PPM1H: variants seen among roughly 807,000 people sequenced by gnomAD.
The protein encoded by PPM1H is protein phosphatase 1H.
In PPM1H, 27 loss-of-function variants were observed where a neutral mutation model predicts 54.9. That is an observed-to-expected ratio of 0.49 (90% CI 0.36 to 0.68). The LOEUF is 0.68. Ranked by LOEUF, PPM1H falls within the 30% of genes least tolerant of loss-of-function variation. PPM1H has a pLI of 0.00. For missense variants in PPM1H, 596 were observed against 667.8 expected (o/e 0.89, Z 1.19); for synonymous variants, 305 against 270.8 (o/e 1.13, Z -1.24).
rs145422667 is a variant in PPM1H, at chr12:62,781,009, G to A, written c.869+7217C>T. ...TTTCAGTGTGTAAGAGACACGGGAC[G>A]TGTTTCAAGGCACAGCTTGGTTGGA... On this transcript the variant is annotated intron_variant, in intron 4 of 9. Coordinates refer to ENST00000228705, the MANE Select transcript of PPM1H (RefSeq NM_020700.2). 4.1e-3 allele frequency among the ~76,000 whole-genome samples: 622 copies of A among 152,312 alleles called. 2 individuals carry two copies. The highest frequency in any genetic ancestry group is 0.012 in the African/African-American group (517 of 41,564).
At chr12:62,681,945 T>C (rs2076021090) in intron 8 of PPM1H, among the ~76,000 whole-genome samples, 1 of 152,226 alleles carries the variant, frequency 6.6e-6, no homozygotes, top group South Asian at 2.1e-4. Context: ...GTTTTTTCCT[T>C]GGTTTCCTTA....
chr12:62,711,763 G>A (rs761604481), intron 6 of PPM1H, among the ~76,000 whole-genome samples: 13 of 152,206 alleles, frequency 8.5e-5, no homozygotes, highest in Admixed American at 3.9e-4. Context: ...GCAGAGAGAC[G>A]TGTGTGAGTG....
chr12:62,733,752 A>G (rs2076336145), intron 5 of PPM1H, among the ~76,000 whole-genome samples: 1 of 152,194 alleles, frequency 6.6e-6, no homozygotes, highest in African/African-American at 2.4e-5. Flanking sequence ...ATTTAGGAGT[A>G]AGGATTAAAA....
chr12:62,756,157 TTTCC>T (rs2076473101), intron 4 of PPM1H: 2 of 844,464 alleles, frequency 2.4e-6, no homozygotes, highest in African/African-American at 3.3e-5. Context: ...GTCAAGCTCA[TTTCC>T]TGGTATGACA....
At chr12:62,676,632 C>G (rs1017315991) in intron 8 of PPM1H, among the ~76,000 whole-genome samples, 8 of 152,150 alleles carry the variant, frequency 5.3e-5, no homozygotes, top group Non-Finnish European at 8.8e-5. Flanking sequence ...ACTGTCGTGA[C>G]CCGGCTGGGT....
At chr12:62,854,072 T>C (rs1354757002) in intron 1 of PPM1H, among the ~76,000 whole-genome samples, 2 of 151,882 alleles carry the variant, frequency 1.3e-5, no homozygotes, top group African/African-American at 2.4e-5. Context: ...AAACAAAACA[T>C]GAAAAAAACA....
intron 4 of PPM1H, among the ~76,000 whole-genome samples, chr12:62,774,283 A>G (rs886764351): frequency 6.6e-6 from 1 of 152,208 alleles, no homozygotes; most frequent in Non-Finnish European, 1.5e-5. Flanking sequence ...CTCCCAGCCC[A>G]GTGTTTTTTC....
At chr12:62,697,637 G>A (rs1403401168) in intron 6 of PPM1H, among the ~76,000 whole-genome samples, 1 of 152,098 alleles carries the variant, frequency 6.6e-6, no homozygotes, top group African/African-American at 2.4e-5. Context: ...CTCATTTGGG[G>A]GAAGATAGGA....
intron 8 of PPM1H, among the ~76,000 whole-genome samples, chr12:62,669,226 C>T (rs2075939674): frequency 6.6e-6 from 1 of 152,236 alleles, no homozygotes; most frequent in African/African-American, 2.4e-5. Flanking sequence ...TCCCAAATGT[C>T]AGAATTCTGT....
rs186887668 is a variant in PPM1H at position 62,806,080 on chromosome 12, A to G, written c.412-3920T>C. ...AGAAAAATAAATATTTGGGATCTCT[A>G]TTTTCAGAAAATTGGTGGACAAAGA... is the stretch of plus-strand genomic sequence containing the variant. On this transcript the variant is annotated intron_variant, in intron 2 of 9. Transcript: ENST00000228705. Among the ~76,000 whole-genome samples the G allele has an allele frequency of 8.3e-4, 126 of 152,260 alleles. 1 individual carries two copies. The highest frequency in any genetic ancestry group is 2.8e-3 in the African/African-American group (117 of 41,552).
At chr12:62,849,300 C>T (rs1055627597) in intron 1 of PPM1H, among the ~76,000 whole-genome samples, 3 of 152,178 alleles carry the variant, frequency 2.0e-5, no homozygotes, top group Admixed American at 2.0e-4. Context: ...ACTGAAATAA[C>T]ACTTGTAAAT....
At chr12:62,902,410 A>T (rs1001960302) in intron 1 of PPM1H, among the ~76,000 whole-genome samples, 10 of 151,968 alleles carry the variant, frequency 6.6e-5, no homozygotes, top group Admixed American at 2.6e-4. Context: ...AAAGCTTTTT[A>T]AAAAAATTTA....
At chr12:62,802,353 G>T (rs73130066) in intron 2 of PPM1H, among the ~76,000 whole-genome samples, 193 bp from the exon 3 acceptor site, 1 of 152,040 alleles carries the variant, frequency 6.6e-6, no homozygotes, top group Non-Finnish European at 1.5e-5. Context: ...CTCAGGGAAG[G>T]GTCCCCAAAT....
At chr12:62,848,855 T>C (rs1188566489) in intron 1 of PPM1H, among the ~76,000 whole-genome samples, 1 of 151,902 alleles carries the variant, frequency 6.6e-6, no homozygotes, top group East Asian at 1.9e-4. Flanking sequence ...GGCATTGAAT[T>C]ATGGTAATAG....
At chr12:62,774,117 C>T (rs1023026515) in intron 4 of PPM1H, among the ~76,000 whole-genome samples, 8 of 152,094 alleles carry the variant, frequency 5.3e-5, no homozygotes, top group African/African-American at 1.9e-4. Flanking sequence ...GTTAATGGTT[C>T]CCAAATTTCA....
At chr12:62,682,701 A>G (rs1051644640) in intron 8 of PPM1H, among the ~76,000 whole-genome samples, 4 of 152,106 alleles carry the variant, frequency 2.6e-5, no homozygotes, top group African/African-American at 9.7e-5. Context: ...ACAGGGTTTC[A>G]TTATATTGTC....
chr12:62,834,890 G>A (rs1362715470), intron 1 of PPM1H, among the ~76,000 whole-genome samples: 1 of 152,100 alleles, frequency 6.6e-6, no homozygotes, highest in Non-Finnish European at 1.5e-5. Flanking sequence ...TTTTTACTGG[G>A]TGATGTTATA....
In PPM1H at chr12:62,737,553, G is replaced by A; in HGVS notation, c.903C>T (p.Pro301=). ...AIIIRNGEII[P]MSSEFTPETE... Reference sequence around the variant, plus strand: ...TCTCGGGGGTAAATTCTGAAGACATGGGGATAATTTCTCCATTTCTGATGA... The same window carrying A: ...TCTCGGGGGTAAATTCTGAAGACATAGGGATAATTTCTCCATTTCTGATGA... The change falls in exon 5 of 10, where the codon CCC becomes CCT. Residue 301 remains proline, a synonymous_variant. Coordinates refer to ENST00000228705, the MANE Select transcript of PPM1H (RefSeq NM_020700.2). 6.3e-7 allele frequency: 1 copy of A among 1,586,612 alleles called. No homozygotes were observed.
chr12:62,765,467 A>G (rs1392299676), intron 4 of PPM1H, among the ~76,000 whole-genome samples: 1 of 152,190 alleles, frequency 6.6e-6, no homozygotes, highest in Non-Finnish European at 1.5e-5. Flanking sequence ...AAAGCCTGCA[A>G]TGGTATCAAC....
Sources: allele counts gnomAD v4.1 joint callset (sites outside exome capture counted in the v4.1 genomes callset), GRCh38; gene constraint gnomAD v4.1.1; transcripts MANE v1.5; gene names NCBI Gene and HGNC (gene_info 2026-07-23, HGNC 2026-07-21).